ABTB3: variants seen among roughly 807,000 people sequenced by gnomAD.
ABTB3 encodes ankyrin repeat and BTB domain containing 3.
the ABTB3 span, among the ~76,000 whole-genome samples, chr12:107,586,667 C>T: frequency 6.6e-6 from 1 of 152,142 alleles, no homozygotes; most frequent in East Asian, 1.9e-4. Context: ...CTTTGGGGCT[C>T]AGCTGTCCTC....
the ABTB3 span, chr12:107,617,649 C>T: frequency 1.7e-6 from 1 of 584,516 alleles, no homozygotes; most frequent in East Asian, 2.9e-5. Flanking sequence ...TTTATTTTAC[C>T]TGCTCCTGGC....
At chr12:107,610,125 G>A in the ABTB3 span, 10 of 1,591,742 alleles carry the variant, frequency 6.3e-6, no homozygotes, top group East Asian at 2.2e-5. Flanking sequence ...TGCTTCCTGC[G>A]GAGTTTGCTC....
the ABTB3 span, among the ~76,000 whole-genome samples, chr12:107,333,963 A>G: frequency 6.6e-6 from 1 of 152,250 alleles, no homozygotes; most frequent in East Asian, 1.9e-4. Context: ...GGAATTGATC[A>G]TGTTGGTATC....
At chr12:107,555,692 C>T in the ABTB3 span, among the ~76,000 whole-genome samples, 21 of 152,208 alleles carry the variant, frequency 1.4e-4, no homozygotes, top group African/African-American at 4.8e-4. Flanking sequence ...TAAATAAACT[C>T]CTCTATACCA....
the ABTB3 span, among the ~76,000 whole-genome samples, chr12:107,638,578 G>A: frequency 1.8e-4 from 28 of 152,306 alleles, no homozygotes; most frequent in Non-Finnish European, 2.5e-4. Context: ...CCGGGTCCTC[G>A]GCAGCCTCCT....
chr12:107,387,850 G>A, the ABTB3 span, among the ~76,000 whole-genome samples: 2 of 152,014 alleles, frequency 1.3e-5, no homozygotes, highest in African/African-American at 4.8e-5. Context: ...GAGCTTTGTT[G>A]ACTTTTTCAT....
At chr12:107,646,891 G>T in the ABTB3 span, among the ~76,000 whole-genome samples, 2 of 152,180 alleles carry the variant, frequency 1.3e-5, no homozygotes, top group South Asian at 4.1e-4. Flanking sequence ...CCGCTGACTA[G>T]ATCCAGAAGG....
chr12:107,591,377 C>A, the ABTB3 span, among the ~76,000 whole-genome samples: 1 of 152,144 alleles, frequency 6.6e-6, no homozygotes, highest in Non-Finnish European at 1.5e-5. Flanking sequence ...GCTGGGGAAG[C>A]CTCAGGAGAC....
At chr12:107,494,568 G>A in the ABTB3 span, among the ~76,000 whole-genome samples, 5 of 152,164 alleles carry the variant, frequency 3.3e-5, no homozygotes, top group Non-Finnish European at 5.9e-5. Flanking sequence ...AGCCTCACAG[G>A]TGCCAGGAGC....
chr12:107,433,283 C>T, the ABTB3 span, among the ~76,000 whole-genome samples: 19 of 110,296 alleles, frequency 1.7e-4, 1 homozygote, highest in East Asian at 3.2e-3. Context: ...GGCGACAGAG[C>T]GAGACTCCGT....
At chr12:107,334,248 G>A in the ABTB3 span, among the ~76,000 whole-genome samples, 295 of 152,278 alleles carry the variant, frequency 1.9e-3, no homozygotes, top group African/African-American at 6.9e-3. Context: ...GTGCAGGCAG[G>A]GAGACCAGTG....
At chr12:107,477,965 C>T in the ABTB3 span, among the ~76,000 whole-genome samples, 1,357 of 152,320 alleles carry the variant, frequency 8.9e-3, 18 homozygotes, top group African/African-American at 0.03. Flanking sequence ...ATGTCTGATA[C>T]TGAGACCTGA....
the ABTB3 span, among the ~76,000 whole-genome samples, chr12:107,548,717 T>A: frequency 3.3e-5 from 5 of 152,182 alleles, no homozygotes; most frequent in Non-Finnish European, 5.9e-5. Context: ...CAAATAGTAA[T>A]GATAAATGAA....
the ABTB3 span, among the ~76,000 whole-genome samples, chr12:107,596,872 C>T: frequency 3.3e-5 from 5 of 152,136 alleles, no homozygotes; most frequent in Non-Finnish European, 5.9e-5. Context: ...CTTTGAGAAT[C>T]GCTGGGTTGC....
the ABTB3 span, among the ~76,000 whole-genome samples, chr12:107,585,591 G>T: frequency 2.0e-5 from 3 of 152,178 alleles, no homozygotes; most frequent in Admixed American, 2.0e-4. Context: ...GGTCAGGGAT[G>T]AATCTAACGA....
At chr12:107,375,667 T>G in the ABTB3 span, among the ~76,000 whole-genome samples, 1 of 152,124 alleles carries the variant, frequency 6.6e-6, no homozygotes, top group African/African-American at 2.4e-5. Context: ...TGATGTTCGT[T>G]ACTTACCTGC....
the ABTB3 span, among the ~76,000 whole-genome samples, chr12:107,475,071 C>T: frequency 6.6e-6 from 1 of 152,176 alleles, no homozygotes; most frequent in East Asian, 1.9e-4. Context: ...TTTAAGTGTG[C>T]ATCCTGTCTG....
At chr12:107,594,940 G>C in the ABTB3 span, among the ~76,000 whole-genome samples, 1 of 151,956 alleles carries the variant, frequency 6.6e-6, no homozygotes, top group Non-Finnish European at 1.5e-5. Context: ...GGCTGTTGGT[G>C]GGGGGCACTC....
the ABTB3 span, among the ~76,000 whole-genome samples, chr12:107,392,113 C>A: frequency 6.6e-6 from 1 of 152,182 alleles, no homozygotes; most frequent in Non-Finnish European, 1.5e-5. Flanking sequence ...GCTGTCCAGC[C>A]CTGTGCAGAG....
Sources: gnomAD v4.1 joint callset for allele counts (sites outside exome capture counted in the v4.1 genomes callset) on GRCh38, gnomAD v4.1.1 for gene constraint, MANE v1.5 for transcripts, NCBI Gene and HGNC (gene_info 2026-07-23, HGNC 2026-07-21) for gene names.